OLFM1: variants seen among roughly 807,000 people sequenced by gnomAD.
The protein encoded by OLFM1 is noelin.
In OLFM1, 9 loss-of-function variants were observed where a neutral mutation model predicts 49.7. That is an observed-to-expected ratio of 0.18 (90% CI 0.11 to 0.32). The LOEUF is 0.32. Among genes scored for constraint, OLFM1 ranks in the 10% least tolerant of loss-of-function variants. The probability of loss-of-function intolerance (pLI) is 1.00; values close to 1 mark genes in which losing one functional copy is unlikely to be tolerated. For synonymous variants in OLFM1, 240 were observed against 271.8 expected (o/e 0.88, Z 1.15); for missense variants, 369 against 661.8 (o/e 0.56, Z 4.85).
rs980023120 is a variant in OLFM1, at chr9:135,080,767, C to T, written c.96+4965C>T. Reference sequence around the variant, plus strand: ...CTAAACTGAATTAGATACATGGCAACCACGAGCTAGGCTGACAGGGCGAGC... The same window carrying T: ...CTAAACTGAATTAGATACATGGCAATCACGAGCTAGGCTGACAGGGCGAGC... On this transcript the variant is annotated intron_variant, in intron 1 of 5. Coordinates refer to the OLFM1 transcript ENST00000252854. This position sits in a 1 kb window ranked among gnomAD's most constrained non-coding sequence, Gnocchi z 4.5. 6.6e-6 allele frequency among the ~76,000 whole-genome samples: 1 copy of T among 152,124 alleles called. No individual in the cohort carries two copies. Among genetic ancestry groups the T allele is most frequent in the Non-Finnish European group, 1.5e-5 (1 of 68,024 alleles).
At position 135,088,313 on chromosome 9, in the gene OLFM1, C is replaced by T. The variant is rs945524584; in HGVS notation, c.150+174C>T. 1.3e-4 allele frequency among the ~76,000 whole-genome samples: 20 copies of T among 151,898 alleles called. No individual in the cohort carries two copies. The highest frequency in any genetic ancestry group is 7.2e-4 in the Admixed American group (11 of 15,288). On this transcript the variant is annotated intron_variant, in intron 1 of 5. Coordinates refer to ENST00000371793, the MANE Select transcript of OLFM1 (RefSeq NM_001282611.2). This position sits in a 1 kb window ranked among gnomAD's most constrained non-coding sequence, Gnocchi z 4.8. The stretch of plus-strand genomic sequence containing the variant: ...TCGCGGGCCGGCGCAGCGGTGGCGA[C>T]CCTGCTCCCCGCTCCCCCAGCCTGG...
intron 1 of OLFM1, chr9:135,076,220 C>T (rs1040053795): frequency 4.5e-6 from 7 of 1,550,636 alleles, no homozygotes; most frequent in Non-Finnish European, 6.1e-6. Flanking sequence ...ACACACACCC[C>T]TGAGTGGCTC....
At chr9:135,081,041 C>T (rs1830525638) in intron 1 of OLFM1, among the ~76,000 whole-genome samples, 2 of 152,066 alleles carry the variant, frequency 1.3e-5, no homozygotes, top group African/African-American at 2.4e-5. Flanking sequence ...GGAGTTAAAG[C>T]CCCAGGAATC....
intron 4 of OLFM1, among the ~76,000 whole-genome samples, chr9:135,104,759 G>A (rs757098992): frequency 4.6e-5 from 7 of 152,158 alleles, no homozygotes; most frequent in Non-Finnish European, 1.0e-4. Context: ...CGAAGCCCAG[G>A]GCCCCCCAGC....
rs1383747455 is a variant in OLFM1, at chr9:135,117,210, TTC to T, written c.784-2293_784-2292del. ...AGACAGTTCTCAAGTCAACTGGCAT[TTC>T]ATCGGAAATCTCTTCTTCTGTAACC... On this transcript the variant is annotated intron_variant, in intron 5 of 5. Coordinates refer to ENST00000371793, the MANE Select transcript of OLFM1 (RefSeq NM_001282611.2). This position sits in a 1 kb window ranked among gnomAD's most constrained non-coding sequence, Gnocchi z 5.5. Among the ~76,000 whole-genome samples the T allele has an allele frequency of 4.6e-5, 7 of 152,334 alleles. No individual in the cohort carries two copies. Among genetic ancestry groups the T allele is most frequent in the Admixed American group, 3.3e-4 (5 of 15,304 alleles).
chr9:135,081,363 C>A (rs1016297265), intron 1 of OLFM1, among the ~76,000 whole-genome samples: 1 of 152,236 alleles, frequency 6.6e-6, no homozygotes, highest in African/African-American at 2.4e-5. Flanking sequence ...GGGTCGCCGA[C>A]CTCTGTGGAA....
intron 1 of OLFM1, among the ~76,000 whole-genome samples, chr9:135,089,912 A>G (rs1021915198): frequency 4.6e-5 from 7 of 151,448 alleles, no homozygotes; most frequent in South Asian, 2.1e-4. Context: ...GCCAGACGAC[A>G]AACTCCAGAC....
chr9:135,082,860 C>T (rs1268150716), upstream of OLFM1, among the ~76,000 whole-genome samples: 1 of 152,182 alleles, frequency 6.6e-6, no homozygotes, highest in Admixed American at 6.5e-5. Flanking sequence ...AGTCCAGGCT[C>T]CACAGGGCAG....
rs180929475 is a variant in OLFM1, at chr9:135,080,774, C to T, written c.96+4972C>T. Among the ~76,000 whole-genome samples, 3 of 152,308 alleles carry T rather than the reference C, an allele frequency of 2.0e-5. No homozygotes were observed. The highest frequency in any genetic ancestry group is 1.9e-4 in the East Asian group (1 of 5,180). On this transcript the variant is annotated intron_variant, in intron 1 of 5. Coordinates refer to the OLFM1 transcript ENST00000252854. The surrounding 1 kb of genome is among the most constrained non-coding windows in gnomAD (Gnocchi z 4.5). The stretch of plus-strand genomic sequence containing the variant: ...GAATTAGATACATGGCAACCACGAG[C>T]TAGGCTGACAGGGCGAGCAGCCAAT...
At chr9:135,115,450 G>A (rs930288677) in intron 5 of OLFM1, among the ~76,000 whole-genome samples, 1 of 152,242 alleles carries the variant, frequency 6.6e-6, no homozygotes, top group Non-Finnish European at 1.5e-5. Context: ...AAGGATAAGT[G>A]GACGGAGGGA....
intron 5 of OLFM1, among the ~76,000 whole-genome samples, chr9:135,116,175 G>T (rs1183715584): frequency 6.6e-6 from 1 of 152,200 alleles, no homozygotes; most frequent in Non-Finnish European, 1.5e-5. Flanking sequence ...CAGAGGAGGG[G>T]ACCTACTGTG....
intron 5 of OLFM1, among the ~76,000 whole-genome samples, chr9:135,118,992 G>A (rs1303781649): frequency 6.9e-5 from 8 of 116,542 alleles, no homozygotes; most frequent in South Asian, 2.7e-4. Flanking sequence ...TGGCATGCTC[G>A]CCGGGTCTTT....
chr9:135,108,890 A>G (rs1830983404), intron 5 of OLFM1, among the ~76,000 whole-genome samples: 1 of 152,088 alleles, frequency 6.6e-6, no homozygotes, highest in Admixed American at 6.5e-5. Flanking sequence ...TGTCTGCAGC[A>G]TGCACTGACA....
intron 5 of OLFM1, among the ~76,000 whole-genome samples, chr9:135,114,295 AT>A (rs1303699754): frequency 6.6e-6 from 1 of 151,184 alleles, no homozygotes; most frequent in Non-Finnish European, 1.5e-5. Flanking sequence ...TAATTTTTAT[AT>A]TTTTAGTAGA....
In OLFM1 at chr9:135,119,534, C is replaced by T. The variant is rs747137531; in HGVS notation, c.814C>T (p.Arg272Cys). The T allele has an allele frequency of 2.5e-6, 4 of 1,611,050 alleles. No individual in the cohort carries two copies. Among genetic ancestry groups the T allele is most frequent in the South Asian group, 1.1e-5 (1 of 90,666 alleles). ...VWYMDGYHNNRFVREYKSMVD... is the reference protein window; with the variant it reads ...VWYMDGYHNNCFVREYKSMVD... ...GTACATGGACGGCTATCACAACAAC[C>T]GCTTCGTACGTGAGTACAAGTCCAT... is the stretch of plus-strand genomic sequence containing the variant. The change falls in exon 6 of 6, where the codon CGC becomes TGC. Residue 272 changes from arginine to cysteine, a missense_variant. Coordinates refer to ENST00000371793, the MANE Select transcript of OLFM1 (RefSeq NM_001282611.2).
intron 4 of OLFM1, chr9:135,105,890 G>A (rs2119128671): frequency 2.0e-5 from 3 of 152,426 alleles, no homozygotes; most frequent in Middle Eastern, 3.4e-3. Context: ...GTGCATTCTG[G>A]AAGAGCTGCG....
At chr9:135,105,256 C>T (rs1176707819) in intron 4 of OLFM1, among the ~76,000 whole-genome samples, 1 of 152,222 alleles carries the variant, frequency 6.6e-6, no homozygotes. Flanking sequence ...GGGGCAGAGG[C>T]GGCAGCCCGG....
Position 135,106,931 on chromosome 9 carries a change from G to A in OLFM1, c.783+76G>A, listed in dbSNP as rs1034909321. The A allele has an allele frequency of 3.0e-5, 36 of 1,203,792 alleles. No individual in the cohort carries two copies. The South Asian group carries it at 3.1e-4, about 10-fold the overall frequency. 74.6% of individuals were successfully genotyped at this position (1,203,792 alleles called of 1,614,324 possible). A position where few individuals can be genotyped will look rare whatever the true frequency, so the allele number is the denominator to read the frequency against. ...GACACCTGGTGGGCCCCAGACATGGGTACAAGCCACGCCCACCCTCCAGGG... is the reference window on the plus strand; with the variant it reads ...GACACCTGGTGGGCCCCAGACATGGATACAAGCCACGCCCACCCTCCAGGG... On this transcript the variant is annotated intron_variant, in intron 5 of 5. Transcript: ENST00000371793.
At chr9:135,097,660 C>T (rs747431939) in intron 3 of OLFM1, 71 of 833,682 alleles carry the variant, frequency 8.5e-5, no homozygotes, top group Non-Finnish European at 1.4e-4. Context: ...TTTTGACTAA[C>T]TCGAGCATTA....
Sources: gnomAD v4.1 joint callset for allele counts (sites outside exome capture counted in the v4.1 genomes callset) on GRCh38, gnomAD v4.1.1 for gene constraint, Gnocchi (gnomAD v3.1) non-coding constraint, MANE v1.5 for transcripts, NCBI Gene and HGNC (gene_info 2026-07-23, HGNC 2026-07-21) for gene names.